CDH2: variants seen among roughly 807,000 people sequenced by gnomAD.
CDH2 encodes the protein cadherin 2, also known as cadherin-2.
A neutral mutation model predicts 92.0 loss-of-function variants in CDH2; 17 were observed. The ratio of observed to expected loss-of-function variants is 0.18; its 90% CI spans 0.13 to 0.28. CDH2 has a LOEUF of 0.28. Ranked by LOEUF, CDH2 falls within the 10% of genes least tolerant of loss-of-function variation. The probability of loss-of-function intolerance (pLI) is 1.00; values close to 1 mark genes in which losing one functional copy is unlikely to be tolerated. For synonymous variants in CDH2, 419 were observed against 415.9 expected (o/e 1.01, Z -0.09); for missense variants, 862 against 1,133.1 (o/e 0.76, Z 3.44).
intron 7 of CDH2, among the ~76,000 whole-genome samples, 179 bp downstream of exon 7, chr18:28,002,818 C>T (rs1475150557): frequency 6.6e-6 from 1 of 152,172 alleles, no homozygotes; most frequent in Non-Finnish European, 1.5e-5. Context: ...AGTATATATA[C>T]ATCATTTAAC....
intron 2 of CDH2, among the ~76,000 whole-genome samples, chr18:28,042,888 A>G (rs902523551): frequency 3.3e-5 from 5 of 152,196 alleles, no homozygotes; most frequent in African/African-American, 1.2e-4. Context: ...CCTTCCTACT[A>G]AGGAAACATA....
chr18:27,978,403 G>A (rs900600345), intron 14 of CDH2, among the ~76,000 whole-genome samples: 4 of 152,068 alleles, frequency 2.6e-5, no homozygotes, highest in East Asian at 1.9e-4. Context: ...CCACAAAGCC[G>A]CACACACATA....
At chr18:28,075,305 C>A (rs555450574) in intron 2 of CDH2, among the ~76,000 whole-genome samples, 1 of 152,114 alleles carries the variant, frequency 6.6e-6, no homozygotes, top group African/African-American at 2.4e-5. Flanking sequence ...TGCTAGATAG[C>A]AGGAGTGTGG....
At chr18:28,004,012 G>A (rs1004054906) in intron 6 of CDH2, among the ~76,000 whole-genome samples, 3 of 152,064 alleles carry the variant, frequency 2.0e-5, no homozygotes, top group Non-Finnish European at 4.4e-5. Flanking sequence ...GTTTACATTG[G>A]GTATTCTCTC....
At chr18:28,021,083 A>G (rs1720566116) in intron 2 of CDH2, among the ~76,000 whole-genome samples, 1 of 151,956 alleles carries the variant, frequency 6.6e-6, no homozygotes, top group South Asian at 2.1e-4. Flanking sequence ...TCTCACAAAC[A>G]TGACTTCCAT....
At chr18:28,073,950 CTTG>C (rs544928196) in intron 2 of CDH2, among the ~76,000 whole-genome samples, 144 of 152,250 alleles carry the variant, frequency 9.5e-4, no homozygotes, top group Middle Eastern at 3.4e-3. Flanking sequence ...CATTCACTAT[CTTG>C]TTATTTACAT....
chr18:28,057,024 T>C (rs1421673577), intron 2 of CDH2, among the ~76,000 whole-genome samples: 1 of 152,200 alleles, frequency 6.6e-6, no homozygotes, highest in Non-Finnish European at 1.5e-5. Flanking sequence ...AACGGCATCA[T>C]TATTTTAAGG....
chr18:28,096,868 T>TAATG (rs2015143844), intron 2 of CDH2, among the ~76,000 whole-genome samples: 1 of 152,246 alleles, frequency 6.6e-6, no homozygotes, highest in Non-Finnish European at 1.5e-5. Flanking sequence ...ATGCTTAAAA[T>TAATG]AATGACAAGC....
At chr18:28,158,298 G>A (rs1009266409) in intron 1 of CDH2, among the ~76,000 whole-genome samples, 3 of 152,204 alleles carry the variant, frequency 2.0e-5, no homozygotes, top group Non-Finnish European at 2.9e-5. Flanking sequence ...TATTCTGGAA[G>A]CAGCACCCCA....
intron 5 of CDH2, among the ~76,000 whole-genome samples, chr18:28,006,729 A>AG (rs2144020107): frequency 6.6e-6 from 1 of 151,520 alleles, no homozygotes; most frequent in Non-Finnish European, 1.5e-5. Flanking sequence ...AAAAAAAAAA[A>AG]AAAAAAAAGA....
chr18:27,937,016 T>C (rs1166601885), intron 6 of CDH2, among the ~76,000 whole-genome samples: 2 of 152,202 alleles, frequency 1.3e-5, no homozygotes, highest in Non-Finnish European at 2.9e-5. Context: ...GCAAGCAAAA[T>C]AGTTACATTC....
intron 2 of CDH2, among the ~76,000 whole-genome samples, chr18:28,138,963 C>T (rs1346112833): frequency 6.6e-6 from 1 of 152,068 alleles, no homozygotes; most frequent in Non-Finnish European, 1.5e-5. Context: ...CTTGCAGAAA[C>T]TGGAAAACCA....
chr18:28,009,497 C>A (rs1278644024), intron 5 of CDH2, among the ~76,000 whole-genome samples: 1 of 152,104 alleles, frequency 6.6e-6, no homozygotes, highest in African/African-American at 2.4e-5. Flanking sequence ...GGCAATTTCA[C>A]TTCCTTCTTT....
intron 3 of CDH2, 40 bp downstream of exon 3, chr18:28,013,643 G>T: frequency 6.9e-7 from 1 of 1,453,332 alleles, no homozygotes; most frequent in Non-Finnish European, 9.7e-7. Flanking sequence ...GTATAAAGCT[G>T]ATTTTTAACC....
chr18:28,121,731 C>A (rs2015591099), intron 2 of CDH2, among the ~76,000 whole-genome samples: 1 of 152,074 alleles, frequency 6.6e-6, no homozygotes, highest in Non-Finnish European at 1.5e-5. Flanking sequence ...ACTAAAACCA[C>A]ACTCACATTG....
intron 6 of CDH2, among the ~76,000 whole-genome samples, chr18:27,940,567 G>A (rs1424266505): frequency 6.6e-6 from 1 of 152,054 alleles, no homozygotes; most frequent in Non-Finnish European, 1.5e-5. Context: ...CTCATTTGAG[G>A]AGCCATGTTT....
At chr18:28,042,093 A>C (rs1184708007) in intron 2 of CDH2, among the ~76,000 whole-genome samples, 1 of 152,092 alleles carries the variant, frequency 6.6e-6, no homozygotes, top group African/African-American at 2.4e-5. Context: ...GCTAATAAGC[A>C]CTTTTCATTT....
At chr18:28,140,984 C>T (rs2144315416) in intron 2 of CDH2, among the ~76,000 whole-genome samples, 1 of 151,356 alleles carries the variant, frequency 6.6e-6, no homozygotes, top group East Asian at 1.9e-4. Context: ...TACCATTTCA[C>T]ACCTACTAGG....
At chr18:28,041,834 T>C (rs2013953511) in intron 2 of CDH2, among the ~76,000 whole-genome samples, 1 of 152,184 alleles carries the variant, frequency 6.6e-6, no homozygotes, top group African/African-American at 2.4e-5. Flanking sequence ...TACAATAACA[T>C]AAACATGTAA....
Sources: allele counts gnomAD v4.1 joint callset (sites outside exome capture counted in the v4.1 genomes callset), GRCh38; gene constraint gnomAD v4.1.1; transcripts MANE v1.5; gene names NCBI Gene and HGNC (gene_info 2026-07-23, HGNC 2026-07-21).